The following KCNT1 variants were observed in gnomAD, a reference collection of about 807,000 sequenced individuals.
KCNT1 encodes potassium sodium-activated channel subfamily T member 1, also known as potassium channel subfamily T member 1.
Under a neutral mutation model 147.8 loss-of-function variants are expected in KCNT1, and 78 were observed. That is an observed-to-expected ratio of 0.53 (90% CI 0.44 to 0.64). The LOEUF (loss-of-function observed/expected upper bound fraction) is 0.64, where lower values mean the gene tolerates loss of function less well. Among genes scored for constraint, KCNT1 ranks in the 30% least tolerant of loss-of-function variants. The pLI is 0.00. For synonymous variants in KCNT1, 867 were observed against 748.8 expected, an observed-to-expected ratio of 1.16 and a Z score of -2.58; for missense variants, 1,419 against 1,750.3, an observed-to-expected ratio of 0.81 and a Z score of 3.38.
Position 135,794,345 on chromosome 9 carries a change from C to T in KCNT1, c.*2184C>T, listed in dbSNP as rs1424270259. ...GGAGCCCCCCAAAGAGGGCTGAAGG[C>T]TTGCTGCCCAAGAGGGGCTGGGTGA... On this transcript the variant is annotated 3_prime_UTR_variant, in exon 31 of 31. Transcript: ENST00000371757. 6.6e-6 allele frequency: 1 copy of T among 152,392 alleles called. No individual in the cohort carries two copies. Among genetic ancestry groups the T allele is most frequent in the Non-Finnish European group, 1.5e-5 (1 of 68,178 alleles). The allele number at this position is 152,392 out of a possible 1,614,324, so 9.4% of individuals were successfully genotyped here.
rs562036114 is a variant in KCNT1, at chr9:135,745,421, GTCCC to G, written c.255-4676_255-4673del. 4.6e-5 allele frequency among the ~76,000 whole-genome samples: 7 copies of G among 152,322 alleles called. No homozygotes were observed. In the East Asian group the frequency reaches 1.4e-3, roughly 29 times the overall value. On this transcript the variant is annotated intron_variant, in intron 2 of 30. Coordinates refer to ENST00000371757, the MANE Select transcript of KCNT1 (RefSeq NM_020822.3). ...AGCGGAGAGTGTGGCCCCACCCGGG[GTCCC>G]GCCTCTGCCCGTGGTCCACACCTGT...
chr9:135,705,128 G>A (rs496503), intron 1 of KCNT1, among the ~76,000 whole-genome samples: 132,101 of 152,252 alleles, frequency 0.87, 57,815 homozygotes, highest in Non-Finnish European at 0.93. Flanking sequence ...TACTTGGGAC[G>A]AGCCTGGTGT....
chr9:135,779,285 A>C (rs547892322), intron 23 of KCNT1, 74 bp from the exon 24 acceptor site: 6 of 519,556 alleles, frequency 1.2e-5, no homozygotes, highest in African/African-American at 2.5e-5. Context: ...CCACAGCCAC[A>C]TGATCATGGG....
At chr9:135,770,277 T>C (rs1588359736) in intron 16 of KCNT1, 21 bp from the exon 17 acceptor site, 7 of 1,570,052 alleles carry the variant, frequency 4.5e-6, no homozygotes, top group South Asian at 1.2e-5. Flanking sequence ...GACGCTCCCC[T>C]GGCCCCGCCC....
chr9:135,758,394 A>T lies in KCNT1; in HGVS notation c.760-20A>T, dbSNP rs752248927. 9.4e-6 allele frequency: 15 copies of T among 1,597,388 alleles called. No individual in the cohort carries two copies. The highest frequency in any genetic ancestry group is 1.3e-5 in the Non-Finnish European group (15 of 1,167,474). On this transcript the variant is annotated intron_variant, in intron 9 of 30. Transcript: ENST00000371757. ...GGGTCCACAGTCCCTGCCCGCTGAC[A>T]GCCACCACTCCTTCCACAGAATGAC...
intron 1 of KCNT1, among the ~76,000 whole-genome samples, chr9:135,702,625 G>A (rs928473469): frequency 6.6e-6 from 1 of 152,108 alleles, no homozygotes; most frequent in Admixed American, 6.5e-5. Flanking sequence ...TGGGGGGAGC[G>A]GCCGTGGCTA....
rs942428058 is a variant in KCNT1, at chr9:135,752,758, G to A, written c.435-1179G>A. Among the ~76,000 whole-genome samples the A allele has an allele frequency of 6.6e-6, 1 of 151,342 alleles. No homozygotes were observed. The highest frequency in any genetic ancestry group is 2.1e-4 in the South Asian group (1 of 4,772). On this transcript the variant is annotated intron_variant, in intron 4 of 30. Coordinates refer to ENST00000371757, the MANE Select transcript of KCNT1 (RefSeq NM_020822.3). The surrounding 1 kb of genome is among the most constrained non-coding windows in gnomAD (Gnocchi z 5.1). ...GATGGATGGATGGAATAGATGGATG[G>A]AGGGATGAGTGGATGGGTGGATGAT...
rs41298365 is a variant in KCNT1 at position 135,764,992 on chromosome 9, A to G, written c.1036-39A>G. On this transcript the variant is annotated intron_variant, in intron 11 of 30. Coordinates refer to ENST00000371757, the MANE Select transcript of KCNT1 (RefSeq NM_020822.3). ...TCTTCACCGGGAGCCCTCGCTCCCC[A>G]GGCCTGGTCGCTGGTGCTCACCTGT... The G allele has an allele frequency of 0.23, 362,545 of 1,578,712 alleles. 43,284 individuals carry two copies. Among genetic ancestry groups the G allele is most frequent in the Middle Eastern group, 0.33 (1,945 of 5,978 alleles).
intron 29 of KCNT1, among the ~76,000 whole-genome samples, chr9:135,787,339 G>A (rs1834138815): frequency 6.6e-6 from 1 of 152,206 alleles, no homozygotes; most frequent in African/African-American, 2.4e-5. Context: ...CTCTAGAGAT[G>A]CTACCTCCGT....
At chr9:135,783,499 C>G (rs1044678941) in intron 24 of KCNT1, among the ~76,000 whole-genome samples, 3 of 152,218 alleles carry the variant, frequency 2.0e-5, no homozygotes, top group African/African-American at 7.2e-5. Context: ...GTCGTTTTAG[C>G]TGCTAAGTTT....
At position 135,777,331 on chromosome 9, in the gene KCNT1, C is replaced by T; in HGVS notation, c.2350-7C>T. 1 of 1,611,436 alleles carries T rather than the reference C, an allele frequency of 6.2e-7. No homozygotes were observed. Among genetic ancestry groups the T allele is most frequent in the Non-Finnish European group, 8.5e-7 (1 of 1,178,380 alleles). ...ACTCCAGCCCTGACTCCAGCATCTGCCCCCAGGGCTGCAAGCACAACAGCT... is the reference window on the plus strand; with the variant it reads ...ACTCCAGCCCTGACTCCAGCATCTGTCCCCAGGGCTGCAAGCACAACAGCT... On this transcript the variant is annotated splice_polypyrimidine_tract_variant and splice_region_variant and intron_variant, in intron 20 of 30. Coordinates refer to ENST00000371757, the MANE Select transcript of KCNT1 (RefSeq NM_020822.3).
intron 20 of KCNT1, 62 bp from the exon 21 acceptor site, chr9:135,777,276 C>T (rs1833235391): frequency 6.5e-7 from 1 of 1,548,264 alleles, no homozygotes; most frequent in South Asian, 1.2e-5. Flanking sequence ...TCTGGGAGGG[C>T]TCCAGTGGCC....
At chr9:135,757,709 G>A (rs963697012) in intron 9 of KCNT1, among the ~76,000 whole-genome samples, 24 of 152,222 alleles carry the variant, frequency 1.6e-4, no homozygotes, top group African/African-American at 5.3e-4. Context: ...CAGGCCACAC[G>A]CAAACTGGGG....
Position 135,750,963 on chromosome 9 carries a change from A to G in KCNT1, c.356A>G (p.Asn119Ser), listed in dbSNP as rs1165053317. The change falls in exon 4 of 31, where the codon AAC becomes AGC. Residue 119 changes from asparagine to serine, a missense_variant. This residue lies in a region of KCNT1 where 401 missense variants were observed against 610.6 expected (regional missense o/e 0.66). Transcript: ENST00000371757. ...QRSSLRIRLF[N>S]FSLKLLTCLL... ...GCAGGCCTGAGGATCCGGCTGTTCA[A>G]CTTCTCCCTGAAGCTGCTCACCTGC... The G allele has an allele frequency of 6.2e-7, 1 of 1,613,014 alleles. No individual in the cohort carries two copies. The highest frequency in any genetic ancestry group is 1.7e-5 in the Admixed American group (1 of 59,998).
rs1178379042 is a variant in KCNT1, at chr9:135,793,147, ACAAGT to A, written c.*993_*997del. On this transcript the variant is annotated 3_prime_UTR_variant, in exon 31 of 31. Transcript: ENST00000371757. Reference sequence around the variant, plus strand: ...GGATGCATTCTGGAGGCATGAAGTTACAAGTCAAGTCGCCCTGCTCGTGTTTCCAA... The same window carrying A: ...GGATGCATTCTGGAGGCATGAAGTTACAAGTCGCCCTGCTCGTGTTTCCAA... 1.3e-5 allele frequency: 2 copies of A among 152,174 alleles called. No homozygotes were observed. Among genetic ancestry groups the A allele is most frequent in the African/African-American group, 2.4e-5 (1 of 41,418 alleles). The allele number at this position is 152,174 out of a possible 1,614,324, so 9.4% of individuals were successfully genotyped here.
At chr9:135,742,818 G>A (rs759024412) in intron 2 of KCNT1, 13 of 717,058 alleles carry the variant, frequency 1.8e-5, no homozygotes, top group African/African-American at 1.7e-4. Context: ...GTCTCAGTAA[G>A]TGCTTTGCAA....
chr9:135,753,839 G>GC (rs1204343664), intron 4 of KCNT1, 98 bp from the exon 5 acceptor site: 2 of 1,266,244 alleles, frequency 1.6e-6, no homozygotes, highest in African/African-American at 2.9e-5. Flanking sequence ...TGAGTAGGAG[G>GC]CCCCCATGAA....
chr9:135,731,960 GTATATATATATATATATATATA>G (rs776201547), intron 2 of KCNT1, among the ~76,000 whole-genome samples: 1 of 41,414 alleles, frequency 2.4e-5, no homozygotes, highest in African/African-American at 8.9e-5. Context: ...AAATATGCGT[GTATATATATATATATATATATA>G]TATATATATA....
At chr9:135,759,221 G>C (rs1831730509) in intron 10 of KCNT1, among the ~76,000 whole-genome samples, 1 of 152,230 alleles carries the variant, frequency 6.6e-6, no homozygotes, top group African/African-American at 2.4e-5. Flanking sequence ...TTGTCTGGCT[G>C]TGCCGGGCAG....
Sources: allele counts gnomAD v4.1 joint callset (sites outside exome capture counted in the v4.1 genomes callset), GRCh38; gene constraint gnomAD v4.1.1; regional missense constraint gnomAD v4.1.1; non-coding constraint Gnocchi (gnomAD v3.1); transcripts MANE v1.5; gene names NCBI Gene and HGNC (gene_info 2026-07-23, HGNC 2026-07-21).